ITGB1: variants seen among roughly 807,000 people sequenced by gnomAD.
ITGB1 encodes integrin beta-1.
ITGB1 carries 24 observed loss-of-function variants against 86.5 expected under a neutral mutation model. The ratio of observed to expected loss-of-function variants is 0.28; its 90% CI spans 0.20 to 0.39. The LOEUF (loss-of-function observed/expected upper bound fraction) is 0.39. ITGB1 is among the 10% of genes least tolerant of loss of function. The pLI, the probability that ITGB1 is intolerant of heterozygous loss-of-function variation, is 1.00. For missense variants in ITGB1, 556 were observed against 946.9 expected (o/e 0.59, Z 5.42); for synonymous variants, 323 against 316.8 (o/e 1.02, Z -0.21).
At chr10:32,906,551 C>A in intron 15 of ITGB1, 1 of 200,188 alleles carries the variant, frequency 5.0e-6, no homozygotes, top group Non-Finnish European at 1.1e-5. Flanking sequence ...TATCACACCA[C>A]TGCACTCCAG....
chr10:32,920,791 A>AT (rs1451181572), intron 9 of ITGB1, among the ~76,000 whole-genome samples: 1 of 147,392 alleles, frequency 6.8e-6, no homozygotes, highest in African/African-American at 2.5e-5. Flanking sequence ...TGGCCAACAC[A>AT]GTGAAACCCC....
chr10:32,907,105 G>GA, intron 15 of ITGB1: 1 of 1,358,300 alleles, frequency 7.4e-7, no homozygotes, highest in South Asian at 1.2e-5. Context: ...TTGGATTCTT[G>GA]AAATTATTAA....
chr10:32,926,603 G>A (rs768086225), intron 5 of ITGB1, among the ~76,000 whole-genome samples: 2 of 152,266 alleles, frequency 1.3e-5, no homozygotes, highest in Middle Eastern at 3.4e-3. Context: ...CTTCTGCCAC[G>A]ATTGGAAGCT....
intron 7 of ITGB1, 98 bp from the exon 8 acceptor site, chr10:32,922,833 G>T (rs2094954302): frequency 1.5e-6 from 1 of 646,218 alleles, no homozygotes; most frequent in South Asian, 2.3e-5. Flanking sequence ...CACATAACTC[G>T]ATTACAAGAC....
At chr10:32,913,909 C>A (rs1395398988) in intron 11 of ITGB1, among the ~76,000 whole-genome samples, 1 of 152,042 alleles carries the variant, frequency 6.6e-6, no homozygotes, top group African/African-American at 2.4e-5. Flanking sequence ...TTAAGGGCAG[C>A]CAGAGAGAAA....
rs779332734 is a variant in ITGB1 at position 32,908,602 on chromosome 10, G to C, written c.2165-68C>G. On this transcript the variant is annotated intron_variant, in intron 14 of 15. Transcript: ENST00000302278. The stretch of plus-strand genomic sequence containing the variant: ...GCAGTGTCTTATAAAAAACATACAG[G>C]AATAAACACCCAAGAGAGTGAACGC... 7 of 1,355,322 alleles carry C rather than the reference G, an allele frequency of 5.2e-6. No individual in the cohort carries two copies. In the South Asian group the frequency reaches 8.7e-5, roughly 17 times the overall value. 84.0% of individuals were successfully genotyped at this position (1,355,322 alleles called of 1,614,324 possible).
chr10:32,952,304 T>G (rs2095044159), intron 1 of ITGB1, among the ~76,000 whole-genome samples: 1 of 152,168 alleles, frequency 6.6e-6, no homozygotes, highest in Non-Finnish European at 1.5e-5. Flanking sequence ...AACAAGAACC[T>G]CAGTGACTCT....
At chr10:32,957,471 A>C (rs547330500) in intron 1 of ITGB1, among the ~76,000 whole-genome samples, 1 of 152,112 alleles carries the variant, frequency 6.6e-6, no homozygotes, top group Non-Finnish European at 1.5e-5. Flanking sequence ...CTTGACGTTT[A>C]TAAACACGGG....
At chr10:32,904,510 C>A (rs1221520402) in intron 15 of ITGB1, among the ~76,000 whole-genome samples, 1 of 152,180 alleles carries the variant, frequency 6.6e-6, no homozygotes, top group East Asian at 1.9e-4. Flanking sequence ...CCCACTCCAA[C>A]AGTTAGAAGC....
chr10:32,955,840 T>C (rs1330046351), intron 1 of ITGB1, among the ~76,000 whole-genome samples: 1 of 152,226 alleles, frequency 6.6e-6, no homozygotes, highest in African/African-American at 2.4e-5. Context: ...AATTGCTGAT[T>C]CCATGCTTCT....
At position 32,920,075 on chromosome 10, in the gene ITGB1, C is replaced by G; in HGVS notation, c.1279G>C (p.Glu427Gln). 6.2e-7 allele frequency: 1 copy of G among 1,612,822 alleles called. No individual in the cohort carries two copies. Among genetic ancestry groups the G allele is most frequent in the Non-Finnish European group, 8.5e-7 (1 of 1,179,092 alleles). Residue 427 changes from glutamate to glutamine, a missense_variant, in exon 11 of 16, where the codon GAA (glutamate) becomes CAA (glutamine). Transcript: ENST00000302278. ...NISIGDEVQF[E>Q]ISITSNKCPK... Reference sequence around the variant, plus strand: ...CACTTATTTGAAGTTATGCTAATTTCAAATTGAACCTTGAAGGGAAAAAAA... The same window carrying G: ...CACTTATTTGAAGTTATGCTAATTTGAAATTGAACCTTGAAGGGAAAAAAA...
chr10:32,917,101 C>G (rs1197184691), intron 11 of ITGB1, among the ~76,000 whole-genome samples: 2 of 152,188 alleles, frequency 1.3e-5, no homozygotes, highest in African/African-American at 4.8e-5. Flanking sequence ...AAAGGATTCC[C>G]TATTTAATAA....
At chr10:32,952,543 A>G (rs1416560812) in intron 1 of ITGB1, among the ~76,000 whole-genome samples, 1 of 152,230 alleles carries the variant, frequency 6.6e-6, no homozygotes, top group African/African-American at 2.4e-5. Flanking sequence ...AAAATATTGT[A>G]CATGGAGAAG....
intron 1 of ITGB1, among the ~76,000 whole-genome samples, chr10:32,938,615 G>A (rs528394926): frequency 4.5e-4 from 69 of 152,288 alleles, no homozygotes; most frequent in African/African-American, 1.5e-3. Context: ...CTCCAAACCC[G>A]GAAGCAGGCG....
intron 15 of ITGB1, among the ~76,000 whole-genome samples, chr10:32,902,066 G>A (rs1481518532): frequency 1.3e-5 from 2 of 152,122 alleles, no homozygotes; most frequent in Non-Finnish European, 2.9e-5. Context: ...GGGAATCCTC[G>A]GCTTTCACTG....
intron 15 of ITGB1, among the ~76,000 whole-genome samples, chr10:32,905,775 T>A (rs767070395): frequency 6.6e-6 from 1 of 152,218 alleles, no homozygotes; most frequent in Non-Finnish European, 1.5e-5. Flanking sequence ...GTGATTTTTA[T>A]GTAAGTGTTC....
intron 5 of ITGB1, among the ~76,000 whole-genome samples, chr10:32,927,427 C>G (rs993028831): frequency 6.6e-6 from 1 of 152,144 alleles, no homozygotes; most frequent in African/African-American, 2.4e-5. Context: ...TGAGATCAGG[C>G]TGTACGGGCA....
rs145251578 is a variant in ITGB1 at position 32,914,961 on chromosome 10, C to T, written c.1470-2837G>A. On this transcript the variant is annotated intron_variant, in intron 11 of 15. Coordinates refer to ENST00000302278, the MANE Select transcript of ITGB1 (RefSeq NM_002211.4). ...GTAAAATAACAGAAATTATAACAAA[C>T]TGTCTCTCAGACCACAGTGCAATCA... is the stretch of plus-strand genomic sequence containing the variant. Among the ~76,000 whole-genome samples the T allele has an allele frequency of 5.6e-3, 852 of 152,356 alleles. 5 individuals are homozygous for T. Among genetic ancestry groups the T allele is most frequent in the Middle Eastern group, 0.014 (4 of 294 alleles).
rs552583108 is a variant in ITGB1 at position 32,946,756 on chromosome 10, G to C, written c.1-11198C>G. ...GTGGTTTGTATGTATTTCTGGGGGG[G>C]GGGGGGGGATTATTTTCCTTTTCTG... On this transcript the variant is annotated intron_variant, in intron 1 of 15. Transcript: ENST00000302278. Among the ~76,000 whole-genome samples, 797 of 106,948 alleles carry C rather than the reference G, an allele frequency of 7.5e-3. 78 individuals are homozygous for C. Among genetic ancestry groups the C allele is most frequent in the African/African-American group, 0.024 (745 of 30,974 alleles). 70.2% of individuals were successfully genotyped at this position (106,948 alleles called of 152,430 possible).
Sources: gnomAD v4.1 joint callset for allele counts (sites outside exome capture counted in the v4.1 genomes callset) on GRCh38, gnomAD v4.1.1 for gene constraint, MANE v1.5 for transcripts, NCBI Gene and HGNC (gene_info 2026-07-23, HGNC 2026-07-21) for gene names.